CMIP: variants seen among roughly 807,000 people sequenced by gnomAD.
CMIP encodes the protein c-Maf inducing protein.
CMIP carries 13 observed loss-of-function variants against 97.3 expected under a neutral mutation model. That is an observed-to-expected ratio of 0.13 (90% CI 0.09 to 0.21). CMIP has a LOEUF of 0.21. Among genes scored for constraint, CMIP ranks in the 10% least tolerant of loss-of-function variants. CMIP has a pLI of 1.00. For synonymous variants in CMIP, 538 were observed against 436.3 expected (o/e 1.23, Z -2.91); for missense variants, 847 against 1,024.9 (o/e 0.83, Z 2.37).
At chr16:81,661,100 C>A (rs1368532123) in intron 6 of CMIP, among the ~76,000 whole-genome samples, 154 bp downstream of exon 6, 1 of 152,188 alleles carries the variant, frequency 6.6e-6, no homozygotes, top group East Asian at 1.9e-4. Context: ...TGCCCGGCAC[C>A]CATTCTTAGG....
intron 1 of CMIP, among the ~76,000 whole-genome samples, chr16:81,541,829 C>A (rs994509166): frequency 6.6e-6 from 1 of 152,166 alleles, no homozygotes; most frequent in Admixed American, 6.5e-5. Flanking sequence ...TATGTGAAAA[C>A]GACCCAGAGG....
intron 9 of CMIP, among the ~76,000 whole-genome samples, chr16:81,677,437 G>A (rs901278289): frequency 4.6e-5 from 7 of 152,182 alleles, no homozygotes; most frequent in Admixed American, 3.3e-4. Flanking sequence ...GCACCTTGCC[G>A]GCCCATGGGC....
chr16:81,575,033 G>A (rs549708635), intron 1 of CMIP, among the ~76,000 whole-genome samples: 11 of 152,212 alleles, frequency 7.2e-5, no homozygotes, highest in African/African-American at 2.4e-4. Context: ...AAGGACACAG[G>A]TGTGCCCTGC....
chr16:81,693,292 G>C (rs1007619676), intron 12 of CMIP, 108 bp downstream of exon 12: 1 of 1,398,344 alleles, frequency 7.2e-7, no homozygotes, highest in Non-Finnish European at 1.0e-6. Context: ...GGCTCCTCTT[G>C]GCAGTTCTCT....
rs564581335 is a variant in CMIP at position 81,535,879 on chromosome 16, C to G, written c.301-71688C>G. On this transcript the variant is annotated intron_variant, in intron 1 of 20. Transcript: ENST00000537098. ...CCCACAAGCTCCTAGGACTCCAGGT[C>G]AGTTTACATGTTCCAGGTTTTTGAG... 9.2e-5 allele frequency among the ~76,000 whole-genome samples: 14 copies of G among 152,284 alleles called. No homozygotes were observed. The South Asian group carries it at 2.9e-3, about 32-fold the overall frequency.
At chr16:81,703,522 C>T (rs1267576364) in intron 17 of CMIP, among the ~76,000 whole-genome samples, 3 of 152,032 alleles carry the variant, frequency 2.0e-5, no homozygotes, top group East Asian at 1.9e-4. Context: ...TATACACAGA[C>T]GTGCACAGAC....
chr16:81,610,337 C>A, intron 2 of CMIP: 1 of 985,594 alleles, frequency 1.0e-6, no homozygotes, highest in South Asian at 4.7e-5. Context: ...GGGCGGGGAG[C>A]CTCTAGCTGC....
At chr16:81,475,982 T>C in intron 1 of CMIP, 1 of 501,490 alleles carries the variant, frequency 2.0e-6, no homozygotes, top group East Asian at 4.5e-5. Flanking sequence ...GTGAGACTCC[T>C]TCTCAAAAAA....
intron 3 of CMIP, among the ~76,000 whole-genome samples, chr16:81,641,153 C>T (rs1245098819): frequency 6.6e-6 from 1 of 152,164 alleles, no homozygotes; most frequent in African/African-American, 2.4e-5. Context: ...GTAACCAGAC[C>T]CCCAGGCAAT....
intron 1 of CMIP, among the ~76,000 whole-genome samples, chr16:81,591,025 G>T (rs1029074885): frequency 6.6e-6 from 1 of 152,210 alleles, no homozygotes; most frequent in African/African-American, 2.4e-5. Context: ...TGTGAGACAG[G>T]GCATATGGCC....
intron 6 of CMIP, among the ~76,000 whole-genome samples, chr16:81,663,650 C>CA (rs2151024079): frequency 6.6e-6 from 1 of 152,278 alleles, no homozygotes; most frequent in South Asian, 2.1e-4. Context: ...AATGATGTGT[C>CA]AGTGTGGGGT....
intron 1 of CMIP, among the ~76,000 whole-genome samples, chr16:81,552,320 C>A (rs2090675298): frequency 6.6e-6 from 1 of 152,112 alleles, no homozygotes; most frequent in Non-Finnish European, 1.5e-5. Context: ...TGTTCTTTTC[C>A]TGTGGCCTCT....
At chr16:81,497,424 A>G (rs2925995) in intron 1 of CMIP, among the ~76,000 whole-genome samples, 1 of 152,032 alleles carries the variant, frequency 6.6e-6, no homozygotes, top group Non-Finnish European at 1.5e-5. Context: ...TGGAGCTCAT[A>G]ATAAGTAGGG....
chr16:81,516,622 G>A (rs1156440515), intron 1 of CMIP, among the ~76,000 whole-genome samples: 1 of 152,148 alleles, frequency 6.6e-6, no homozygotes, highest in African/African-American at 2.4e-5. Context: ...GTCAGTGCGC[G>A]GGCACTTGTG....
intron 1 of CMIP, among the ~76,000 whole-genome samples, chr16:81,585,997 G>A (rs1470231431): frequency 1.3e-5 from 2 of 152,136 alleles, no homozygotes; most frequent in South Asian, 2.1e-4. Flanking sequence ...GTTAGTGAAC[G>A]TGTGGTCCAG....
chr16:81,703,550 C>G lies in CMIP; in HGVS notation c.1945-389C>G, dbSNP rs770207451. ...GCACAGACACACACATGTACAGACA[C>G]ATGCATACACAAACGTGCACACAGA... On this transcript the variant is annotated intron_variant, in intron 17 of 20. Transcript: ENST00000537098. Among the ~76,000 whole-genome samples the G allele has an allele frequency of 4.5e-4, 68 of 151,952 alleles. 1 individual carries two copies. Among genetic ancestry groups the G allele is most frequent in the Non-Finnish European group, 1.5e-4 (10 of 67,962 alleles).
chr16:81,678,259 C>T lies in CMIP; in HGVS notation c.1035-16C>T, dbSNP rs2151055891. ...GGTGCCTGTACTCATGTGCCCTCTC[C>T]CGCCTCTTCCCCCAGCCGCGACAAT... On this transcript the variant is annotated splice_polypyrimidine_tract_variant and intron_variant, in intron 9 of 20. Coordinates refer to ENST00000537098, the MANE Select transcript of CMIP (RefSeq NM_198390.3). The T allele has an allele frequency of 6.4e-7, 1 of 1,563,544 alleles. No individual in the cohort carries two copies. Among genetic ancestry groups the T allele is most frequent in the East Asian group, 2.3e-5 (1 of 43,846 alleles).
At chr16:81,527,998 C>G (rs2090164620) in intron 1 of CMIP, among the ~76,000 whole-genome samples, 1 of 152,176 alleles carries the variant, frequency 6.6e-6, no homozygotes, top group South Asian at 2.1e-4. Flanking sequence ...GTAGAGAAAA[C>G]CAACCTGTTT....
At chr16:81,476,427 C>G (rs1272452250) in intron 1 of CMIP, 2 of 996,400 alleles carry the variant, frequency 2.0e-6, no homozygotes, top group Non-Finnish European at 3.2e-6. Flanking sequence ...TTTCTGCTGT[C>G]TTTGGAAACT....
Sources: gnomAD v4.1 joint callset for allele counts (sites outside exome capture counted in the v4.1 genomes callset) on GRCh38, gnomAD v4.1.1 for gene constraint, MANE v1.5 for transcripts, NCBI Gene and HGNC (gene_info 2026-07-23, HGNC 2026-07-21) for gene names.